The following CACNB2 variants were observed in gnomAD, a reference collection of about 807,000 sequenced individuals.
The protein encoded by CACNB2 is calcium voltage-gated channel auxiliary subunit beta 2, also known as voltage-dependent L-type calcium channel subunit beta-2.
CACNB2 carries 42 observed loss-of-function variants against 73.3 expected under a neutral mutation model. The ratio of observed to expected loss-of-function variants is 0.57; its 90% CI spans 0.45 to 0.74. The LOEUF (loss-of-function observed/expected upper bound fraction) is 0.74. Among genes scored for constraint, CACNB2 ranks in the 30% least tolerant of loss-of-function variants. The pLI is 0.00. For synonymous variants in CACNB2, 348 were observed against 310.3 expected (o/e 1.12, Z -1.28); for missense variants, 940 against 853.0 (o/e 1.10, Z -1.27).
chr10:18,154,712 C>T (rs530716091), intron 2 of CACNB2, among the ~76,000 whole-genome samples: 4 of 152,312 alleles, frequency 2.6e-5, no homozygotes, highest in African/African-American at 9.6e-5. Flanking sequence ...AAGTGATCCA[C>T]CCGCCTCGGC....
intron 3 of CACNB2, among the ~76,000 whole-genome samples, chr10:18,446,726 A>T (rs551072006): frequency 1.3e-5 from 2 of 152,184 alleles, no homozygotes; most frequent in Admixed American, 1.3e-4. Flanking sequence ...CAAGAAGAAG[A>T]TGGTGTTGTC....
In CACNB2 at chr10:18,193,413, C is replaced by T. The variant is rs141770277; in HGVS notation, c.213+42438C>T. 3.4e-3 allele frequency among the ~76,000 whole-genome samples: 513 copies of T among 152,190 alleles called. 1 individual carries two copies. Among genetic ancestry groups the T allele is most frequent in the African/African-American group, 0.011 (457 of 41,534 alleles). On this transcript the variant is annotated intron_variant, in intron 2 of 13. Coordinates refer to ENST00000324631, the MANE Select transcript of CACNB2 (RefSeq NM_201596.3). ...TCCTGTGGGTGTGAAGTGCAGGTGG[C>T]TTCTTTTTATTAGGCCATTCCTGGT...
At position 18,538,164 on chromosome 10, in the gene CACNB2, A is replaced by ATGTC; in HGVS notation, c.1303-13_1303-10dup. 1.2e-6 allele frequency: 2 copies of ATGTC among 1,613,984 alleles called. No homozygotes were observed. The highest frequency in any genetic ancestry group is 1.7e-6 in the Non-Finnish European group (2 of 1,179,926). On this transcript the variant is annotated splice_polypyrimidine_tract_variant and intron_variant, in intron 12 of 13. Transcript: ENST00000324631. ...TGGGCTGGCATCAATGTGGTCTGGA[A>ATGTC]TGTCTGCCTCTGCAGGAGCTGTTCG...
chr10:18,247,479 T>C (rs907675096), intron 2 of CACNB2, among the ~76,000 whole-genome samples: 1 of 152,132 alleles, frequency 6.6e-6, no homozygotes, highest in South Asian at 2.1e-4. Context: ...GTAGGGGGTA[T>C]GAAGTGCCGG....
At position 18,500,569 on chromosome 10, in the gene CACNB2, A is replaced by G. The variant is rs10764540; in HGVS notation, c.457-243A>G. Among the ~76,000 whole-genome samples the G allele has an allele frequency of 0.26, 39,935 of 152,106 alleles. 5,536 individuals carry two copies. The highest frequency in any genetic ancestry group is 0.29 in the African/African-American group (12,113 of 41,496). On this transcript the variant is annotated intron_variant, in intron 4 of 13. Coordinates refer to ENST00000324631, the MANE Select transcript of CACNB2 (RefSeq NM_201596.3). ...TGGTGACAGCAGCTGCTGCAAGGGA[A>G]TTCAGCCTGGTCCTACGGCAGCACC...
chr10:18,394,952 C>T (rs529787403), intron 2 of CACNB2, among the ~76,000 whole-genome samples: 3 of 152,182 alleles, frequency 2.0e-5, no homozygotes, highest in Non-Finnish European at 2.9e-5. Flanking sequence ...TTTCCAGTAA[C>T]GTGGAGTTCA....
intron 3 of CACNB2, among the ~76,000 whole-genome samples, chr10:18,419,758 C>G (rs531026383): frequency 1.6e-4 from 25 of 152,214 alleles, no homozygotes; most frequent in African/African-American, 6.0e-4. Flanking sequence ...AGGAATGTCC[C>G]TATCTTAAAT....
intron 2 of CACNB2, among the ~76,000 whole-genome samples, chr10:18,394,217 A>G (rs1483094038): frequency 6.6e-6 from 1 of 152,122 alleles, no homozygotes; most frequent in Non-Finnish European, 1.5e-5. Flanking sequence ...TCGGCCTCCC[A>G]AAGTGCTGGG....
intron 2 of CACNB2, among the ~76,000 whole-genome samples, chr10:18,349,483 G>A (rs754092878): frequency 6.6e-6 from 1 of 152,296 alleles, no homozygotes; most frequent in South Asian, 2.1e-4. Context: ...GAGTTTGCCT[G>A]ACTTCTCTGG....
chr10:18,473,517 T>C (rs1224475767), intron 3 of CACNB2, among the ~76,000 whole-genome samples: 1 of 152,170 alleles, frequency 6.6e-6, no homozygotes, highest in African/African-American at 2.4e-5. Context: ...TACTTTCAGT[T>C]CAAGACAGCA....
chr10:18,425,472 G>C (rs757215826), intron 3 of CACNB2, among the ~76,000 whole-genome samples: 4 of 152,196 alleles, frequency 2.6e-5, no homozygotes, highest in Non-Finnish European at 5.9e-5. Flanking sequence ...TTTCAAACCA[G>C]CCCGGACAAT....
chr10:18,205,427 C>T lies in CACNB2; in HGVS notation c.213+54452C>T, dbSNP rs149781696. On this transcript the variant is annotated intron_variant, in intron 2 of 13. Coordinates refer to ENST00000324631, the MANE Select transcript of CACNB2 (RefSeq NM_201596.3). ...GTTGTCTATATATGCATAGAGGATG[C>T]GCATGACTAGTTTGTTGAACAGTCA... Among the ~76,000 whole-genome samples, 46 of 152,230 alleles carry T rather than the reference C, an allele frequency of 3.0e-4. No homozygotes were observed. In the Middle Eastern group the frequency reaches 0.01, roughly 34 times the overall value.
intron 6 of CACNB2, chr10:18,513,615 A>G: frequency 3.2e-6 from 1 of 314,072 alleles, no homozygotes; most frequent in South Asian, 3.1e-5. Context: ...AACTCGAATA[A>G]GAAAGTCACT....
At chr10:18,503,473 G>A (rs915257211) in intron 5 of CACNB2, among the ~76,000 whole-genome samples, 1 of 152,176 alleles carries the variant, frequency 6.6e-6, no homozygotes, top group African/African-American at 2.4e-5. Context: ...GTGCACACCT[G>A]TAACCCCAGC....
At chr10:18,453,089 G>C (rs1226842930) in intron 3 of CACNB2, among the ~76,000 whole-genome samples, 1 of 152,124 alleles carries the variant, frequency 6.6e-6, no homozygotes, top group Non-Finnish European at 1.5e-5. Flanking sequence ...CATCTCTGCT[G>C]CTACCTCATT....
At chr10:18,519,102 A>G in intron 9 of CACNB2, 134 bp downstream of exon 9, 1 of 770,560 alleles carries the variant, frequency 1.3e-6, no homozygotes, top group Admixed American at 1.8e-5. Flanking sequence ...GTTTCACTCA[A>G]TTTAATCTGA....
At chr10:18,364,800 G>C (rs562929169) in intron 2 of CACNB2, among the ~76,000 whole-genome samples, 1 of 152,038 alleles carries the variant, frequency 6.6e-6, no homozygotes, top group South Asian at 2.1e-4. Flanking sequence ...TCCTCTTTCT[G>C]CCAAAATGTC....
intron 2 of CACNB2, among the ~76,000 whole-genome samples, chr10:18,246,617 G>T (rs1196819680): frequency 6.6e-6 from 1 of 152,068 alleles, no homozygotes; most frequent in African/African-American, 2.4e-5. Flanking sequence ...GTCTCACTCT[G>T]TCATACAGGC....
intron 2 of CACNB2, among the ~76,000 whole-genome samples, chr10:18,400,101 C>T (rs1413952203): frequency 3.3e-5 from 5 of 152,222 alleles, no homozygotes; most frequent in South Asian, 2.1e-4. Flanking sequence ...CTCCTTTAAA[C>T]TCAACGCTTT....
Sources: allele counts gnomAD v4.1 joint callset (sites outside exome capture counted in the v4.1 genomes callset), GRCh38; gene constraint gnomAD v4.1.1; transcripts MANE v1.5; gene names NCBI Gene and HGNC (gene_info 2026-07-23, HGNC 2026-07-21).